The following USP25 variants were observed in gnomAD, a reference collection of about 807,000 sequenced individuals.
The protein encoded by USP25 is ubiquitin specific peptidase 25, also known as ubiquitin carboxyl-terminal hydrolase 25.
USP25 carries 85 observed loss-of-function variants against 158.5 expected under a neutral mutation model. The ratio of observed to expected loss-of-function variants is 0.54; its 90% CI spans 0.45 to 0.64. USP25 has a LOEUF of 0.64. Ranked by LOEUF, USP25 falls within the 30% of genes least tolerant of loss-of-function variation. USP25 has a pLI of 0.00. For missense variants in USP25, 1,242 were observed against 1,327.3 expected, an observed-to-expected ratio of 0.94 and a Z score of 1.00; for synonymous variants, 464 against 460.4, an observed-to-expected ratio of 1.01 and a Z score of -0.10.
At chr21:15,756,320 T>G (rs2123354714) in intron 1 of USP25, among the ~76,000 whole-genome samples, 1 of 152,222 alleles carries the variant, frequency 6.6e-6, no homozygotes, top group Non-Finnish European at 1.5e-5. Flanking sequence ...GGCAGGAGAA[T>G]GTTGGAGAGA....
chr21:15,814,211 T>C (rs1254435700), intron 9 of USP25, among the ~76,000 whole-genome samples: 1 of 150,712 alleles, frequency 6.6e-6, no homozygotes, highest in East Asian at 2.0e-4. Context: ...ATGTAAGAAG[T>C]GCCTTTTGCC....
chr21:15,869,175 A>G (rs544636342), intron 22 of USP25, among the ~76,000 whole-genome samples: 1 of 152,032 alleles, frequency 6.6e-6, no homozygotes, highest in East Asian at 1.9e-4. Flanking sequence ...TGGAGCCCAG[A>G]AGGTCAAGTC....
rs116601496 is a variant in USP25, at chr21:15,835,349, T to G, written c.2194+1801T>G. On this transcript the variant is annotated intron_variant, in intron 17 of 25. Coordinates refer to ENST00000400183, the MANE Select transcript of USP25 (RefSeq NM_001283041.3). ...AATTTTCAGAGTTAACATATTTTAT[T>G]TCTGCTTAGTCAAACGAATACATAT... Among the ~76,000 whole-genome samples the G allele has an allele frequency of 8.2e-3, 1,253 of 152,308 alleles. 13 individuals carry two copies. The highest frequency in any genetic ancestry group is 0.026 in the African/African-American group (1,080 of 41,570).
chr21:15,864,008 T>C (rs1190580192), intron 20 of USP25, among the ~76,000 whole-genome samples: 2 of 146,544 alleles, frequency 1.4e-5, no homozygotes, highest in African/African-American at 5.1e-5. Flanking sequence ...CTGCAATCCA[T>C]CCTGGGGGAG....
At chr21:15,781,242 C>A (rs1191607949) in intron 4 of USP25, among the ~76,000 whole-genome samples, 2 of 152,190 alleles carry the variant, frequency 1.3e-5, no homozygotes, top group Non-Finnish European at 2.9e-5. Flanking sequence ...GTAGGAATCA[C>A]ATGTCTGACA....
chr21:15,856,470 T>C (rs993874283), intron 20 of USP25, among the ~76,000 whole-genome samples: 2 of 151,904 alleles, frequency 1.3e-5, no homozygotes, highest in Non-Finnish European at 2.9e-5. Context: ...TACTCTTTCT[T>C]TTTTTTTCTT....
chr21:15,821,233 A>G (rs926639103), intron 10 of USP25, among the ~76,000 whole-genome samples: 4 of 151,932 alleles, frequency 2.6e-5, no homozygotes, highest in Non-Finnish European at 5.9e-5. Context: ...TTCACTCAGC[A>G]GTATATCATG....
At chr21:15,864,174 A>T (rs930261412) in intron 20 of USP25, 94 bp from the exon 21 acceptor site, 5 of 1,208,652 alleles carry the variant, frequency 4.1e-6, no homozygotes, top group Non-Finnish European at 4.5e-6. Flanking sequence ...AAAAAAAAAG[A>T]TTTAAATGCA....
At chr21:15,841,252 G>T (rs570645372) in intron 17 of USP25, among the ~76,000 whole-genome samples, 1 of 152,086 alleles carries the variant, frequency 6.6e-6, no homozygotes. Flanking sequence ...AGCCAATTTT[G>T]TGTCCCCCTG....
Position 15,824,172 on chromosome 21 carries a change from G to A in USP25, c.1208+6G>A, listed in dbSNP as rs1399385180. ...CAAGTTTTATATTTGGACAGGTATG[G>A]TTTGATATACTGCATGACTTAGTTT... On this transcript the variant is annotated splice_donor_region_variant and intron_variant, in intron 11 of 25. Coordinates refer to ENST00000400183, the MANE Select transcript of USP25 (RefSeq NM_001283041.3). 3 of 1,610,836 alleles carry A rather than the reference G, an allele frequency of 1.9e-6. No individual in the cohort carries two copies. The highest frequency in any genetic ancestry group is 1.3e-5 in the African/African-American group (1 of 74,856).
At chr21:15,839,446 C>T (rs927057871) in intron 17 of USP25, among the ~76,000 whole-genome samples, 6 of 152,102 alleles carry the variant, frequency 3.9e-5, no homozygotes, top group African/African-American at 1.4e-4. Flanking sequence ...GTATTAGTTG[C>T]GTGAGCCTTC....
chr21:15,769,090 G>C (rs2034203912), intron 3 of USP25, among the ~76,000 whole-genome samples: 1 of 151,930 alleles, frequency 6.6e-6, no homozygotes, highest in African/African-American at 2.4e-5. Flanking sequence ...ATATCACATG[G>C]AAGTTATATT....
At chr21:15,870,647 C>T (rs1034699279) in intron 23 of USP25, among the ~76,000 whole-genome samples, 12 of 152,068 alleles carry the variant, frequency 7.9e-5, no homozygotes, top group African/African-American at 2.2e-4. Context: ...GCTTTACTTA[C>T]ATTTTAGGTT....
intron 1 of USP25, among the ~76,000 whole-genome samples, chr21:15,741,513 C>CT (rs1269163068): frequency 6.6e-6 from 1 of 152,006 alleles, no homozygotes; most frequent in African/African-American, 2.4e-5. Flanking sequence ...CATTTTTAAT[C>CT]TTTTATGTTT....
At chr21:15,747,503 G>A (rs1473250475) in intron 1 of USP25, among the ~76,000 whole-genome samples, 2 of 151,422 alleles carry the variant, frequency 1.3e-5, no homozygotes, top group Non-Finnish European at 1.5e-5. Context: ...CCTATATATA[G>A]TATCTACCTG....
chr21:15,787,700 T>A (rs1268540967), intron 4 of USP25, among the ~76,000 whole-genome samples: 1 of 152,044 alleles, frequency 6.6e-6, no homozygotes, highest in Non-Finnish European at 1.5e-5. Context: ...TTTTAGGAAA[T>A]CAAATGAGAT....
Position 15,830,527 on chromosome 21 carries a change from T to G in USP25, c.1694-4T>G. On this transcript the variant is annotated splice_polypyrimidine_tract_variant and splice_region_variant and intron_variant, in intron 14 of 25. Transcript: ENST00000400183. ...AATCATTAAATGACACCTTATATCC[T>G]TAGATTTGCAGGAAAGCATATCCAG... is the stretch of plus-strand genomic sequence containing the variant. The G allele has an allele frequency of 6.2e-7, 1 of 1,602,770 alleles. No homozygotes were observed. Among genetic ancestry groups the G allele is most frequent in the Non-Finnish European group, 8.5e-7 (1 of 1,174,918 alleles).
chr21:15,878,364 T>C lies in USP25; in HGVS notation c.3267T>C (p.Ile1089=). ...AACTGCTTGATTGTTCTATGGAGAT[T>C]AAAAGTTTCCATGAGCCACCGAAGT... ...LPKLLDCSME[I]KSFHEPPKLP... The change falls in exon 26 of 26, where the codon ATT becomes ATC. Residue 1089 remains isoleucine (I), a synonymous_variant. Coordinates refer to ENST00000400183, the MANE Select transcript of USP25 (RefSeq NM_001283041.3). 3.1e-6 allele frequency: 5 copies of C among 1,614,076 alleles called. No individual in the cohort carries two copies. The highest frequency in any genetic ancestry group is 3.4e-6 in the Non-Finnish European group (4 of 1,179,956).
In USP25 at chr21:15,877,661, G is replaced by C. The variant is rs545775359; in HGVS notation, c.3010-135G>C. The stretch of plus-strand genomic sequence containing the variant: ...TTTCAGTTCTAGATAGGTTGAGATT[G>C]TTTTCTCTAAATACCGTTTGTTCTA... On this transcript the variant is annotated intron_variant, in intron 24 of 25. Transcript: ENST00000400183. The C allele has an allele frequency of 3.2e-3, 2,093 of 644,396 alleles. 22 individuals carry two copies. Among genetic ancestry groups the C allele is most frequent in the South Asian group, 0.015 (639 of 43,858 alleles). The allele number at this position is 644,396 out of a possible 1,614,324, so 39.9% of individuals were successfully genotyped here.
Sources: gnomAD v4.1 joint callset for allele counts (sites outside exome capture counted in the v4.1 genomes callset) on GRCh38, gnomAD v4.1.1 for gene constraint, MANE v1.5 for transcripts, NCBI Gene and HGNC (gene_info 2026-07-23, HGNC 2026-07-21) for gene names.